The following MCF2L variants were observed in gnomAD, a reference collection of about 807,000 sequenced individuals.
MCF2L encodes guanine nucleotide exchange factor DBS.
MCF2L carries 97 observed loss-of-function variants against 153.4 expected under a neutral mutation model. The ratio of observed to expected loss-of-function variants is 0.63; its 90% CI spans 0.54 to 0.75. The LOEUF is 0.75. MCF2L is among the 30% of genes least tolerant of loss of function. MCF2L has a pLI of 0.00. For synonymous variants in MCF2L, 659 were observed against 632.2 expected (o/e 1.04, Z -0.64); for missense variants, 1,347 against 1,495.2 (o/e 0.90, Z 1.64).
Position 112,932,600 on chromosome 13 carries a change from G to C in MCF2L, c.169+30229G>C, listed in dbSNP as rs1298740288. Among the ~76,000 whole-genome samples the C allele has an allele frequency of 1.3e-5, 2 of 152,190 alleles. No homozygotes were observed. The highest frequency in any genetic ancestry group is 2.4e-5 in the African/African-American group (1 of 41,440). ...TGGGGGAGGGGTGTGTGGGAGCCCT[G>C]TTCTATGTCAGTTTTGCTGTAAATC... On this transcript the variant is annotated intron_variant, in intron 2 of 29. Coordinates refer to the MCF2L transcript ENST00000375608. This position sits in a 1 kb window ranked among gnomAD's most constrained non-coding sequence, Gnocchi z 4.6.
At chr13:113,038,966 TCCTG>T (rs2086315656) in intron 3 of MCF2L, among the ~76,000 whole-genome samples, 1 of 152,222 alleles carries the variant, frequency 6.6e-6, no homozygotes. Flanking sequence ...CACGCCATTC[TCCTG>T]CCTTAGCCTC....
intron 2 of MCF2L, among the ~76,000 whole-genome samples, chr13:112,929,472 G>A (rs772367844): frequency 5.3e-5 from 8 of 152,178 alleles, no homozygotes; most frequent in Non-Finnish European, 1.0e-4. Context: ...TGCCCTTTCC[G>A]CCTTCTCTTA....
intron 2 of MCF2L, among the ~76,000 whole-genome samples, chr13:112,906,898 A>G (rs2081178674): frequency 6.6e-6 from 1 of 152,210 alleles, no homozygotes; most frequent in African/African-American, 2.4e-5. Context: ...CGTCCCAGCA[A>G]ACCTTTGAGC....
chr13:113,052,903 A>T (rs538231591), intron 4 of MCF2L: 23 of 152,270 alleles, frequency 1.5e-4, no homozygotes, highest in African/African-American at 4.8e-4. Context: ...ACCCACACAT[A>T]CATCACATAA....
chr13:112,944,253 A>T (rs928531104), intron 2 of MCF2L, among the ~76,000 whole-genome samples: 9 of 151,710 alleles, frequency 5.9e-5, no homozygotes, highest in Non-Finnish European at 1.5e-5. Flanking sequence ...CCGGGCCATG[A>T]AGGGAGGGTC....
At chr13:113,079,858 G>A (rs1296873955) in intron 15 of MCF2L, among the ~76,000 whole-genome samples, 39 of 14,222 alleles carry the variant, frequency 2.7e-3, no homozygotes, top group African/African-American at 6.0e-3. Context: ...TACGGAAGAG[G>A]GTCCAGGCAG....
intron 2 of MCF2L, among the ~76,000 whole-genome samples, chr13:112,925,065 A>T (rs1397709848): frequency 6.6e-6 from 1 of 152,226 alleles, no homozygotes; most frequent in African/African-American, 2.4e-5. Context: ...CACACCTTTC[A>T]CCTGGATAAG....
chr13:113,096,528 C>T, intron 28 of MCF2L, 22 bp from the exon 29 acceptor site: 1 of 1,589,500 alleles, frequency 6.3e-7, no homozygotes. Context: ...ACGTGGCTGC[C>T]GCTGACCCTC....
At chr13:112,974,085 C>T (rs914690016) in intron 1 of MCF2L, among the ~76,000 whole-genome samples, 6 of 152,162 alleles carry the variant, frequency 3.9e-5, no homozygotes, top group Non-Finnish European at 7.4e-5. Flanking sequence ...CCTCATTGCC[C>T]GGCACTTCCT....
intron 2 of MCF2L, chr13:112,910,553 C>T (rs1012310281): frequency 1.3e-5 from 2 of 152,238 alleles, no homozygotes; most frequent in Non-Finnish European, 2.9e-5. Flanking sequence ...ATTTTGTAAA[C>T]ACCAAATATG....
rs138339540 is a variant in MCF2L at position 113,075,176 on chromosome 13, G to A, written c.1295G>A (p.Arg432His). 318 of 1,596,512 alleles carry A rather than the reference G, an allele frequency of 2.0e-4. 1 individual carries two copies. In the African/African-American group the frequency reaches 2.9e-3, roughly 15 times the overall value. Residue 432 changes from arginine to histidine, a missense_variant, in exon 11 of 30, where the codon CGC (arginine) becomes CAC (histidine). Arg to His is a conservative substitution (Grantham distance 29, BLOSUM62 0). Transcript: ENST00000535094. ...CTCAGCAAGTCCCTGGAGCTGCACC[G>A]CCGCCTGGAGACGGTAGGCCGAGCC... ...GLLSKSLELHRRLETSMKWCD... is the reference protein window; with the variant it reads ...GLLSKSLELHHRLETSMKWCD...
At position 113,078,651 on chromosome 13, in the gene MCF2L, T is replaced by C. The variant is rs759522683; in HGVS notation, c.1735-15T>C. 2.5e-6 allele frequency: 4 copies of C among 1,610,720 alleles called. No homozygotes were observed. Among genetic ancestry groups the C allele is most frequent in the Admixed American group, 1.7e-5 (1 of 59,852 alleles). Reference sequence around the variant, plus strand: ...CCGTCCCGCCTTTCAGACCTGACGCTGTTTTTCTCCCCAGAGTGAGATGAG... The same window carrying C: ...CCGTCCCGCCTTTCAGACCTGACGCCGTTTTTCTCCCCAGAGTGAGATGAG... On this transcript the variant is annotated splice_polypyrimidine_tract_variant and intron_variant, in intron 14 of 29. Coordinates refer to ENST00000535094, the MANE Select transcript of MCF2L (RefSeq NM_001112732.3).
intron 4 of MCF2L, among the ~76,000 whole-genome samples, chr13:113,057,126 G>T (rs71446934): frequency 9.9e-5 from 14 of 141,938 alleles, no homozygotes; most frequent in Non-Finnish European, 9.2e-5. Context: ...CTGAGTGCTT[G>T]GGTGCTGTGT....
Position 112,969,443 on chromosome 13 carries a change from G to T in MCF2L, c.64G>T (p.Val22Phe), listed in dbSNP as rs1256490287. 6.4e-7 allele frequency: 1 copy of T among 1,550,396 alleles called. No individual in the cohort carries two copies. Among genetic ancestry groups the T allele is most frequent in the Non-Finnish European group, 8.7e-7 (1 of 1,146,848 alleles). Reference protein sequence around the residue: ...LEEMVQRLNAVSKHTDEIMHQ... With the variant: ...LEEMVQRLNAFSKHTDEIMHQ... ...AGAAATGGTGCAGAGATTAAATGCG[G>T]TTTCCAAGCACACGGGTAGGAGGAG... Residue 22 changes from valine (V) to phenylalanine (F), a missense_variant, in exon 1 of 30, where the codon GTT becomes TTT. Val to Phe is a conservative substitution (Grantham distance 50). Around this residue, in one of 3 missense-constraint regions of MCF2L, gnomAD observed 820 missense variants for 921.2 expected, o/e 0.89. Transcript: ENST00000535094. This position sits in a 1 kb window ranked among gnomAD's most constrained non-coding sequence, Gnocchi z 4.8.
intron 7 of MCF2L, 75 bp downstream of exon 7, chr13:113,065,160 A>G: frequency 6.5e-7 from 1 of 1,541,768 alleles, no homozygotes; most frequent in Admixed American, 1.7e-5. Context: ...CTCCGGTCGG[A>G]AGCTGCGGGG....
At chr13:113,008,400 A>G (rs1289944145) in intron 1 of MCF2L, among the ~76,000 whole-genome samples, 1 of 152,172 alleles carries the variant, frequency 6.6e-6, no homozygotes, top group Non-Finnish European at 1.5e-5. Context: ...TAGGAGTCCC[A>G]CCTCTGCGGG....
rs1456474561 is a variant in MCF2L, at chr13:113,098,389, C to T, written c.*1530C>T. ...CAGGCGCGGTGCCTCCGTCTCGTCG[C>T]ACAGCTGCGCGCCCTTGTGTGACCC... On this transcript the variant is annotated 3_prime_UTR_variant, in exon 30 of 30. Transcript: ENST00000535094. 6.6e-6 allele frequency: 1 copy of T among 152,534 alleles called. No homozygotes were observed. The highest frequency in any genetic ancestry group is 1.9e-4 in the East Asian group (1 of 5,204). The allele number at this position is 152,534 out of a possible 1,614,324, so 9.4% of individuals were successfully genotyped here.
rs767162939 is a variant in MCF2L, at chr13:113,064,481, G to A, written c.606+61G>A. The A allele has an allele frequency of 8.2e-5, 87 of 1,058,624 alleles. No individual in the cohort carries two copies. Among genetic ancestry groups the A allele is most frequent in the Non-Finnish European group, 1.1e-4 (78 of 686,614 alleles). The allele number at this position is 1,058,624 out of a possible 1,614,324, so 65.6% of individuals were successfully genotyped here. ...CCAGCTCGAGTACTTCCACAGAATCGCTCTTGCATTACAACACGGCCCTTT... is the reference window on the plus strand; with the variant it reads ...CCAGCTCGAGTACTTCCACAGAATCACTCTTGCATTACAACACGGCCCTTT... On this transcript the variant is annotated intron_variant, in intron 6 of 29. Coordinates refer to ENST00000535094, the MANE Select transcript of MCF2L (RefSeq NM_001112732.3). This position sits in a 1 kb window ranked among gnomAD's most constrained non-coding sequence, Gnocchi z 6.0.
At chr13:113,088,261 G>A (rs1010524248) in intron 23 of MCF2L, 66 bp from the exon 24 acceptor site, 2 of 1,334,134 alleles carry the variant, frequency 1.5e-6, no homozygotes, top group Admixed American at 1.7e-5. Context: ...TTCCGAGAGT[G>A]AAACCAAAGC....
Sources: gnomAD v4.1 joint callset for allele counts (sites outside exome capture counted in the v4.1 genomes callset) on GRCh38, gnomAD v4.1.1 for gene constraint, gnomAD v4.1.1 regional missense constraint, Gnocchi (gnomAD v3.1) non-coding constraint, MANE v1.5 for transcripts, NCBI Gene and HGNC (gene_info 2026-07-23, HGNC 2026-07-21) for gene names.